Variants in ATG7 observed in about 807,000 individuals in gnomAD.
ATG7 encodes the protein ubiquitin-like modifier-activating enzyme ATG7.
A neutral mutation model predicts 82.4 loss-of-function variants in ATG7; 70 were observed. The observed-to-expected ratio is 0.85, with a 90% CI of 0.70 to 1.04. The LOEUF (loss-of-function observed/expected upper bound fraction) is 1.04, where lower values mean the gene tolerates loss of function less well. ATG7 is among the 50% of genes least tolerant of loss of function. ATG7 has a pLI of 0.00. For synonymous variants in ATG7, 287 were observed against 313.0 expected (o/e 0.92, Z 0.88); for missense variants, 792 against 864.3 (o/e 0.92, Z 1.05).
At chr3:11,479,733 C>A (rs1302743661) in intron 20 of ATG7, among the ~76,000 whole-genome samples, 1 of 152,118 alleles carries the variant, frequency 6.6e-6, no homozygotes, top group East Asian at 1.9e-4. Context: ...GGGAGACATG[C>A]CATTGGTCAC....
At chr3:11,568,661 C>T in the ATG7 span, 4 of 1,559,456 alleles carry the variant, frequency 2.6e-6, no homozygotes, top group Non-Finnish European at 3.5e-6. The surrounding 1 kb of genome is among the most constrained non-coding windows in gnomAD (Gnocchi z 5.9). Context: ...GTTTTCCAGG[C>T]CCCGCTCGCC....
chr3:11,559,219 A>G (rs935790745), downstream of ATG7: 9 of 1,426,648 alleles, frequency 6.3e-6, no homozygotes, highest in East Asian at 2.5e-5. Context: ...TACTTTTTCA[A>G]CCTCAGCAAT....
intron 20 of ATG7, among the ~76,000 whole-genome samples, chr3:11,536,730 G>A (rs537420991): frequency 2.5e-3 from 387 of 152,246 alleles, no homozygotes; most frequent in Non-Finnish European, 4.2e-3. Context: ...GCCGAGCAGC[G>A]AAGGACCACC....
In ATG7 at chr3:11,504,760, A is replaced by C. The variant is rs138077981; in HGVS notation, c.2080-50051A>C. The stretch of plus-strand genomic sequence containing the variant: ...AATTCCAGGGAAAACAATGTTGTAC[A>C]AGAAAGAATAAGTAATCCTAGTATA... On this transcript the variant is annotated intron_variant, in intron 20 of 20. Transcript: ENST00000693202. Among the ~76,000 whole-genome samples the C allele has an allele frequency of 3.9e-5, 6 of 152,340 alleles. No homozygotes were observed. The East Asian group carries it at 1.2e-3, about 29-fold the overall frequency.
intron 20 of ATG7, among the ~76,000 whole-genome samples, chr3:11,532,064 C>T (rs1175250581): frequency 2.0e-5 from 3 of 152,068 alleles, no homozygotes; most frequent in Non-Finnish European, 4.4e-5. Flanking sequence ...CCTCCTCTTC[C>T]TCCTCTCCCC....
chr3:11,546,214 C>G (rs1182270445), intron 20 of ATG7, among the ~76,000 whole-genome samples: 3 of 141,192 alleles, frequency 2.1e-5, no homozygotes, highest in African/African-American at 8.1e-5. Flanking sequence ...CTCTGTCACC[C>G]AGGCTGGAGT....
At chr3:11,293,866 A>C (rs912766935) in intron 3 of ATG7, among the ~76,000 whole-genome samples, 15 of 151,432 alleles carry the variant, frequency 9.9e-5, no homozygotes, top group African/African-American at 3.6e-4. Flanking sequence ...AAAAAAAAAA[A>C]CATTAGCCGG....
At position 11,283,157 on chromosome 3, in the gene ATG7, C is replaced by T. The variant is rs530338614; in HGVS notation, c.-11+719C>T. Among the ~76,000 whole-genome samples the T allele has an allele frequency of 1.2e-4, 19 of 152,266 alleles. No individual in the cohort carries two copies. In the South Asian group the frequency reaches 3.5e-3, roughly 28 times the overall value. On this transcript the variant is annotated intron_variant, in intron 3 of 20. Transcript: ENST00000693202. ...TTAGAACTTGTTCTTTTGGACTTCT[C>T]GATGACCTGTAGTGGGAGACTGACC...
intron 20 of ATG7, among the ~76,000 whole-genome samples, chr3:11,427,633 T>C (rs920924140): frequency 1.1e-4 from 17 of 151,708 alleles, no homozygotes; most frequent in Non-Finnish European, 2.5e-4. Flanking sequence ...CTGGCCAACA[T>C]AGTGAAACCG....
intron 11 of ATG7, among the ~76,000 whole-genome samples, chr3:11,337,867 A>G (rs752014401): frequency 2.0e-5 from 3 of 152,106 alleles, no homozygotes; most frequent in Non-Finnish European, 2.9e-5. Flanking sequence ...TACCTGTATC[A>G]AGAGAAAACC....
intron 20 of ATG7, among the ~76,000 whole-genome samples, chr3:11,517,757 G>A (rs2092324997): frequency 6.6e-6 from 1 of 152,264 alleles, no homozygotes; most frequent in African/African-American, 2.4e-5. Flanking sequence ...GAAACCATCT[G>A]TGACTTAGGT....
At chr3:11,449,710 G>A (rs2084923808) in intron 20 of ATG7, among the ~76,000 whole-genome samples, 1 of 152,186 alleles carries the variant, frequency 6.6e-6, no homozygotes, top group South Asian at 2.1e-4. Flanking sequence ...GTCCCAGTTA[G>A]ATGCAAAGCT....
chr3:11,570,979 C>T, the ATG7 span, among the ~76,000 whole-genome samples: 1 of 152,162 alleles, frequency 6.6e-6, no homozygotes, highest in African/African-American at 2.4e-5. Context: ...TCCTCTGTGC[C>T]AATTTTAGAC....
At chr3:11,350,454 C>T (rs796305613) in intron 14 of ATG7, among the ~76,000 whole-genome samples, 2 of 152,122 alleles carry the variant, frequency 1.3e-5, no homozygotes, top group Non-Finnish European at 2.9e-5. Flanking sequence ...TGAACTTACT[C>T]AATAAGCCAC....
At chr3:11,364,632 G>A (rs1322764066) in intron 17 of ATG7, 27 bp from the exon 18 acceptor site, 7 of 1,610,990 alleles carry the variant, frequency 4.3e-6, no homozygotes, top group Non-Finnish European at 5.9e-6. Context: ...GATTAAATGA[G>A]CAGCTCTGAT....
At chr3:11,510,181 T>G (rs1319036817) in intron 20 of ATG7, 2 of 456,408 alleles carry the variant, frequency 4.4e-6, no homozygotes, top group Non-Finnish European at 8.8e-6. Flanking sequence ...TTACCCCCTT[T>G]CAGGATCATC....
chr3:11,366,902 G>GGTT (rs1251271465), intron 18 of ATG7, among the ~76,000 whole-genome samples: 1 of 150,516 alleles, frequency 6.6e-6, no homozygotes, highest in Non-Finnish European at 1.5e-5. Flanking sequence ...GGATTATTTT[G>GGTT]GTTGTTGGCC....
intron 20 of ATG7, among the ~76,000 whole-genome samples, chr3:11,514,871 C>T (rs1270677345): frequency 2.7e-5 from 4 of 147,510 alleles, no homozygotes; most frequent in African/African-American, 7.6e-5. Context: ...GAGAGAGTCT[C>T]GCTCTGTCAC....
intron 20 of ATG7, among the ~76,000 whole-genome samples, chr3:11,485,674 G>A (rs552101463): frequency 2.6e-5 from 4 of 152,210 alleles, no homozygotes; most frequent in Admixed American, 1.3e-4. Flanking sequence ...TATGGTTTTA[G>A]GTCTAACATT....
Sources: gnomAD v4.1 joint callset for allele counts (sites outside exome capture counted in the v4.1 genomes callset) on GRCh38, gnomAD v4.1.1 for gene constraint, Gnocchi (gnomAD v3.1) non-coding constraint, MANE v1.5 for transcripts, NCBI Gene and HGNC (gene_info 2026-07-23, HGNC 2026-07-21) for gene names.